The following AFG2A variants were observed in gnomAD, a reference collection of about 807,000 sequenced individuals.
The protein encoded by AFG2A is AAA ATPase AFG2A.
chr4:123,059,308 C>T, the AFG2A span, among the ~76,000 whole-genome samples: 3 of 136,276 alleles, frequency 2.2e-5, no homozygotes, highest in East Asian at 7.3e-4. Context: ...CCCCCCTCCC[C>T]CGACCCCACA....
At chr4:123,109,080 CAG>C in the AFG2A span, among the ~76,000 whole-genome samples, 2 of 151,962 alleles carry the variant, frequency 1.3e-5, no homozygotes, top group Non-Finnish European at 2.9e-5. Flanking sequence ...TGGGTAAAGA[CAG>C]AGGGGAAAAA....
At chr4:123,283,358 A>AGAG in the AFG2A span, among the ~76,000 whole-genome samples, 2 of 149,000 alleles carry the variant, frequency 1.3e-5, no homozygotes, top group Admixed American at 6.7e-5. Flanking sequence ...GGAAAAAAAA[A>AGAG]AGAGAGAGAG....
chr4:122,940,400 T>C, the AFG2A span, among the ~76,000 whole-genome samples: 2 of 152,258 alleles, frequency 1.3e-5, no homozygotes, highest in African/African-American at 4.8e-5. Flanking sequence ...GAGCATTTTT[T>C]CATGTGTCTT....
chr4:123,146,565 C>T, the AFG2A span, among the ~76,000 whole-genome samples: 1 of 152,036 alleles, frequency 6.6e-6, no homozygotes, highest in Admixed American at 6.5e-5. Flanking sequence ...AGTTATGAAA[C>T]TCAAAATTAA....
the AFG2A span, among the ~76,000 whole-genome samples, chr4:123,033,823 A>G: frequency 6.6e-6 from 1 of 152,212 alleles, no homozygotes. Flanking sequence ...AGAAAAGTAT[A>G]ACATTTGTAC....
At chr4:123,156,437 A>G in the AFG2A span, among the ~76,000 whole-genome samples, 2 of 152,158 alleles carry the variant, frequency 1.3e-5, no homozygotes, top group Non-Finnish European at 1.5e-5. Flanking sequence ...AAATTCCTAG[A>G]TACCTAGTCA....
At chr4:123,127,472 T>C in the AFG2A span, among the ~76,000 whole-genome samples, 1 of 152,174 alleles carries the variant, frequency 6.6e-6, no homozygotes, top group African/African-American at 2.4e-5. Flanking sequence ...ATATAATCAG[T>C]TTGTAAATAC....
chr4:123,096,296 C>A, the AFG2A span, among the ~76,000 whole-genome samples: 13 of 149,268 alleles, frequency 8.7e-5, no homozygotes, highest in Admixed American at 6.6e-5. Flanking sequence ...TGTGTGATAT[C>A]AAGTAGGCTC....
the AFG2A span, chr4:123,313,969 A>T: frequency 6.2e-7 from 1 of 1,613,096 alleles, no homozygotes; most frequent in Non-Finnish European, 8.5e-7. Context: ...AAGACATTTC[A>T]CTCAGGCCTT....
At chr4:123,232,811 TAAG>T in the AFG2A span, among the ~76,000 whole-genome samples, 1 of 152,124 alleles carries the variant, frequency 6.6e-6, no homozygotes, top group East Asian at 1.9e-4. Context: ...TGCTCTTAGA[TAAG>T]AAGAATTGCT....
chr4:123,045,736 A>G, the AFG2A span, among the ~76,000 whole-genome samples: 4 of 152,178 alleles, frequency 2.6e-5, no homozygotes, highest in African/African-American at 9.6e-5. Flanking sequence ...AGGCTTCTTC[A>G]TTGTAAAATT....
At chr4:123,065,104 C>T in the AFG2A span, among the ~76,000 whole-genome samples, 129 of 152,178 alleles carry the variant, frequency 8.5e-4, no homozygotes, top group Middle Eastern at 3.4e-3. Flanking sequence ...TACCACATAG[C>T]CCAGGATTCC....
the AFG2A span, among the ~76,000 whole-genome samples, chr4:123,015,511 C>T: frequency 1.2e-4 from 18 of 151,792 alleles, no homozygotes; most frequent in South Asian, 1.7e-3. Flanking sequence ...GTAGGGTCAC[C>T]GATCAACAGG....
chr4:123,017,414 A>T, the AFG2A span, among the ~76,000 whole-genome samples: 12 of 74,720 alleles, frequency 1.6e-4, no homozygotes, highest in African/African-American at 5.6e-4. Context: ...AGCATGGGAA[A>T]TTTTTTTTTT....
At chr4:123,148,885 C>T in the AFG2A span, among the ~76,000 whole-genome samples, 1 of 151,884 alleles carries the variant, frequency 6.6e-6, no homozygotes, top group Admixed American at 6.6e-5. Context: ...TCTCTTGCCT[C>T]AGCCTCCCGA....
chr4:123,098,209 C>G, the AFG2A span, among the ~76,000 whole-genome samples: 4 of 151,828 alleles, frequency 2.6e-5, no homozygotes, highest in Non-Finnish European at 5.9e-5. Context: ...ATATGAACCT[C>G]ACGTTTTTGT....
the AFG2A span, among the ~76,000 whole-genome samples, chr4:122,953,289 G>C: frequency 2.0e-5 from 3 of 152,198 alleles, no homozygotes; most frequent in Non-Finnish European, 4.4e-5. Context: ...ATACTAAATA[G>C]GGTTTTGGTG....
chr4:122,943,735 G>A, the AFG2A span, among the ~76,000 whole-genome samples: 1 of 152,140 alleles, frequency 6.6e-6, no homozygotes, highest in African/African-American at 2.4e-5. Flanking sequence ...TAGTCTCAAT[G>A]GTCTTTACAT....
the AFG2A span, chr4:123,315,777 T>C: frequency 6.6e-6 from 1 of 152,182 alleles, no homozygotes; most frequent in Non-Finnish European, 1.5e-5. Flanking sequence ...GTGGCATACA[T>C]TCCTTGTTTG....
Sources: allele counts gnomAD v4.1 joint callset (sites outside exome capture counted in the v4.1 genomes callset), GRCh38; gene constraint gnomAD v4.1.1; transcripts MANE v1.5; gene names NCBI Gene and HGNC (gene_info 2026-07-23, HGNC 2026-07-21).